The following TMPRSS11B variants were observed in gnomAD, a reference collection of about 807,000 sequenced individuals.
TMPRSS11B encodes transmembrane serine protease 11B, also known as transmembrane protease serine 11B.
TMPRSS11B carries 53 observed loss-of-function variants against 44.7 expected under a neutral mutation model. The observed-to-expected ratio is 1.19, with a 90% CI of 0.95 to 1.49. The LOEUF is 1.49. TMPRSS11B is among the 40% of genes most tolerant of loss of function. TMPRSS11B has a pLI of 0.00. For missense variants in TMPRSS11B, 526 were observed against 494.8 expected, an observed-to-expected ratio of 1.06 and a Z score of -0.60; for synonymous variants, 140 against 159.2, an observed-to-expected ratio of 0.88 and a Z score of 0.91.
At chr4:68,242,076 G>C (rs1560445246) in intron 1 of TMPRSS11B, among the ~76,000 whole-genome samples, 1 of 147,012 alleles carries the variant, frequency 6.8e-6, no homozygotes, top group African/African-American at 2.5e-5. Flanking sequence ...AAATTGACTT[G>C]CTTTTTTTAA....
intron 5 of TMPRSS11B, among the ~76,000 whole-genome samples, chr4:68,233,183 T>C (rs1162881069): frequency 6.6e-6 from 1 of 151,992 alleles, no homozygotes; most frequent in Non-Finnish European, 1.5e-5. Context: ...GTATCCCTCT[T>C]TCCCAAAAGC....
chr4:68,243,038 G>A (rs1300946298), intron 1 of TMPRSS11B, among the ~76,000 whole-genome samples: 1 of 152,122 alleles, frequency 6.6e-6, no homozygotes, highest in Non-Finnish European at 1.5e-5. Flanking sequence ...TACATTGTAT[G>A]GCCACACTAA....
rs535585608 is a variant in TMPRSS11B, at chr4:68,231,101, A to G, written c.686+102T>C. The G allele has an allele frequency of 2.2e-5, 22 of 997,510 alleles. No homozygotes were observed. The East Asian group carries it at 2.7e-4, about 12-fold the overall frequency. 61.8% of individuals were successfully genotyped at this position (997,510 alleles called of 1,614,324 possible). A position where few individuals can be genotyped will look rare whatever the true frequency, so the allele number is the denominator to read the frequency against. ...AATGTTCTATGTGATTGTAAATTTC[A>G]TATGGCCTTGGTGAACCTTGACACA... On this transcript the variant is annotated intron_variant, in intron 7 of 9. Transcript: ENST00000332644.
intron 2 of TMPRSS11B, 95 bp downstream of exon 2, chr4:68,241,594 C>A: frequency 1.3e-6 from 1 of 763,198 alleles, no homozygotes; most frequent in African/African-American, 1.8e-5. Flanking sequence ...AAGAAAACTC[C>A]CAAGAAGAAA....
intron 1 of TMPRSS11B, among the ~76,000 whole-genome samples, chr4:68,242,227 ATATTATATATAT>A (rs1719851094): frequency 3.5e-5 from 3 of 84,726 alleles, no homozygotes; most frequent in South Asian, 2.6e-4. Context: ...ATATTATATT[ATATTATATATAT>A]TATATTATAT....
In TMPRSS11B at chr4:68,227,903, C is replaced by CT. The variant is rs746163004; in HGVS notation, c.*7dup. Reference sequence around the variant, plus strand: ...GTCTTTATGTTCCTTTGTATAATTCCTTTTTTTTCAGAGTCCAGTCTTGGA... The same window carrying CT: ...GTCTTTATGTTCCTTTGTATAATTCCTTTTTTTTTCAGAGTCCAGTCTTGGA... On this transcript the variant is annotated 3_prime_UTR_variant, in exon 10 of 10. Transcript: ENST00000332644. The CT allele has an allele frequency of 1.0e-5, 16 of 1,594,710 alleles. No individual in the cohort carries two copies. Among genetic ancestry groups the CT allele is most frequent in the Admixed American group, 3.6e-5 (2 of 55,898 alleles).
Position 68,236,016 on chromosome 4 carries a change from C to G in TMPRSS11B, c.294G>C (p.Glu98Asp), listed in dbSNP as rs752282252. Residue 98 changes from glutamate to aspartate, a missense_variant, in exon 4 of 10, where the codon GAG becomes GAC. Coordinates refer to ENST00000332644, the MANE Select transcript of TMPRSS11B (RefSeq NM_182502.3). ...SSIYKEYVKS[E>D]VIKLLPNANG... ...CTTGTACTTACAGAAGTTTGATGAC[C>G]TCAGATTTGACATATTCCTTATATA... The G allele has an allele frequency of 2.4e-5, 38 of 1,575,842 alleles. No individual in the cohort carries two copies. Among genetic ancestry groups the G allele is most frequent in the Non-Finnish European group, 3.1e-5 (36 of 1,163,560 alleles).
At chr4:68,236,640 C>T (rs757583196) in intron 2 of TMPRSS11B, among the ~76,000 whole-genome samples, 18 of 152,108 alleles carry the variant, frequency 1.2e-4, no homozygotes, top group Non-Finnish European at 2.1e-4. Flanking sequence ...CCAGATATAC[C>T]CTCAGCACCC....
At chr4:68,239,760 A>G (rs1719772718) in intron 2 of TMPRSS11B, among the ~76,000 whole-genome samples, 1 of 152,160 alleles carries the variant, frequency 6.6e-6, no homozygotes, top group South Asian at 2.1e-4. Flanking sequence ...ATCACTATAG[A>G]GCTTCCAAAA....
rs1719441047 is a variant in TMPRSS11B at position 68,229,282 on chromosome 4, T to G, written c.921A>C (p.Thr307=). The change falls in exon 8 of 10, where the codon ACA becomes ACC. Residue 307 remains threonine (T), a synonymous_variant. Transcript: ENST00000332644. The part of the protein sequence containing the change: ...KLSENDNVVV[T]GWGTLYMNGS... ...CATTCATATAAAGTGTTCCCCAACC[T>G]GTAACTACAACATTGTCATTTTCTG... 1.2e-6 allele frequency: 2 copies of G among 1,610,242 alleles called. No homozygotes were observed. The highest frequency in any genetic ancestry group is 1.7e-6 in the Non-Finnish European group (2 of 1,177,850).
chr4:68,241,332 A>G (rs1037308768), intron 2 of TMPRSS11B, among the ~76,000 whole-genome samples: 1 of 152,144 alleles, frequency 6.6e-6, no homozygotes, highest in African/African-American at 2.4e-5. Flanking sequence ...TTAATAACCA[A>G]TAGCAGAATT....
intron 5 of TMPRSS11B, among the ~76,000 whole-genome samples, chr4:68,233,256 T>C (rs1040507873): frequency 6.6e-6 from 1 of 152,082 alleles, no homozygotes; most frequent in African/African-American, 2.4e-5. Flanking sequence ...TTCTTATTAG[T>C]GGTTCACTGG....
In TMPRSS11B at chr4:68,230,845, G is replaced by A. The variant is rs910585052; in HGVS notation, c.686+358C>T. ...AGCTGAGTGATCTTAGCCAAGTTTT[G>A]TCACCTTTCCTGAGTGAGACTTAGT... On this transcript the variant is annotated intron_variant, in intron 7 of 9. Transcript: ENST00000332644. Among the ~76,000 whole-genome samples the A allele has an allele frequency of 1.1e-4, 16 of 149,812 alleles. No homozygotes were observed. The East Asian group carries it at 3.1e-3, about 29-fold the overall frequency.
intron 8 of TMPRSS11B, 54 bp downstream of exon 8, chr4:68,229,203 A>G (rs1381059575): frequency 7.5e-6 from 10 of 1,328,800 alleles, no homozygotes; most frequent in Non-Finnish European, 9.1e-6. Flanking sequence ...TGATTGATTG[A>G]TTGATTAAAT....
intron 1 of TMPRSS11B, among the ~76,000 whole-genome samples, chr4:68,242,284 T>TAATA (rs1216457824): frequency 1.3e-5 from 1 of 77,410 alleles, no homozygotes; most frequent in African/African-American, 5.8e-5. Context: ...ATTATATATA[T>TAATA]TATATTATAC....
Position 68,229,343 on chromosome 4 carries a change from C to G in TMPRSS11B, c.860G>C (p.Arg287Pro), listed in dbSNP as rs144033409. 33 of 1,613,850 alleles carry G rather than the reference C, an allele frequency of 2.0e-5. No individual in the cohort carries two copies. The highest frequency in any genetic ancestry group is 2.5e-5 in the Non-Finnish European group (30 of 1,179,952). ...TTTGGCTTCAGGAAGACAAATCTTA[C>G]GAATGTACTCTGTAAAAGAAACTTC... ...AEEVSFTEYI[R>P]KICLPEAKMK... Residue 287 changes from arginine (R) to proline (P), a missense_variant, in exon 8 of 10, where the codon CGT becomes CCT. By Grantham distance (103) the Arg-to-Pro change is moderately radical. Transcript: ENST00000332644.
At chr4:68,237,441 A>T (rs901854372) in intron 2 of TMPRSS11B, among the ~76,000 whole-genome samples, 4 of 152,140 alleles carry the variant, frequency 2.6e-5, no homozygotes, top group Non-Finnish European at 4.4e-5. Flanking sequence ...ATGATTTATC[A>T]TCCTTTGGGT....
intron 7 of TMPRSS11B, among the ~76,000 whole-genome samples, chr4:68,229,925 C>T (rs1719462373): frequency 6.6e-6 from 1 of 152,128 alleles, no homozygotes; most frequent in Non-Finnish European, 1.5e-5. Context: ...CTACCACCCT[C>T]AAGTAGGCCC....
At chr4:68,243,515 A>G (rs887620876) in intron 1 of TMPRSS11B, among the ~76,000 whole-genome samples, 1 of 152,152 alleles carries the variant, frequency 6.6e-6, no homozygotes, top group Non-Finnish European at 1.5e-5. Flanking sequence ...AAAGCTCTTC[A>G]AAGAAACTCC....
Sources: gnomAD v4.1 joint callset for allele counts (sites outside exome capture counted in the v4.1 genomes callset) on GRCh38, gnomAD v4.1.1 for gene constraint, MANE v1.5 for transcripts, NCBI Gene and HGNC (gene_info 2026-07-23, HGNC 2026-07-21) for gene names.